SHOX: variants seen among roughly 807,000 people sequenced by gnomAD.
SHOX encodes the protein short stature homeobox protein.
SHOX carries 12 observed loss-of-function variants against 29.6 expected under a neutral mutation model. That is an observed-to-expected ratio of 0.41 (90% CI 0.26 to 0.66). The LOEUF is 0.66. SHOX is among the 30% of genes least tolerant of loss of function. SHOX has a pLI of 0.35. For synonymous variants in SHOX, 214 were observed against 200.6 expected (o/e 1.07, Z -0.57); for missense variants, 499 against 437.7 (o/e 1.14, Z -1.25).
chrX:630,569 C>T (rs1436612892), upstream of SHOX: 1 of 475,776 alleles, frequency 2.1e-6, no homozygotes, highest in Non-Finnish European at 3.8e-6. Context: ...GCTCTCCCTT[C>T]CAAAAATGGG....
At position 644,661 on chromosome X, in the gene SHOX, C is replaced by T. The variant is rs1215175887; in HGVS notation, c.*25C>T. On this transcript the variant is annotated 3_prime_UTR_variant, in exon 5 of 5. Coordinates refer to ENST00000686671, the MANE Select transcript of SHOX (RefSeq NM_000451.4). ...ACCCGCCGCGCAGCCCCCCGCGCGC[C>T]CGGACTCCCGGGCTCCGCGCACCCC... 11 of 1,427,644 alleles carry T rather than the reference C, an allele frequency of 7.7e-6. No individual in the cohort carries two copies. The highest frequency in any genetic ancestry group is 5.9e-5 in the South Asian group (4 of 68,164). 88.4% of individuals were successfully genotyped at this position (1,427,644 alleles called of 1,614,324 possible). A position where few individuals can be genotyped will look rare whatever the true frequency, so the allele number is the denominator to read the frequency against.
chrX:634,522 G>A (rs762601288), intron 1 of SHOX, 96 bp from the exon 2 acceptor site: 5 of 1,348,104 alleles, frequency 3.7e-6, no homozygotes, highest in East Asian at 4.8e-5. Flanking sequence ...ATTGGTTTTC[G>A]AGGGCCCCCT....
At position 651,330 on chromosome X, in the gene SHOX, C is replaced by G. The variant is rs1032848847; in HGVS notation, c.*6694C>G. 1.1e-5 allele frequency: 5 copies of G among 455,362 alleles called. No individual in the cohort carries two copies. The highest frequency in any genetic ancestry group is 8.0e-5 in the African/African-American group (4 of 49,858). The allele number at this position is 455,362 out of a possible 1,614,324, so 28.2% of individuals were successfully genotyped here. On this transcript the variant is annotated 3_prime_UTR_variant, in exon 5 of 5. Transcript: ENST00000686671. ...TGAAAACAAATCACACACCGTTTCC[C>G]AAACCAACAGTCTTCACATTTCTAT...
rs1569491926 is a variant in SHOX at position 625,535 on chromosome X, GTCTCTCTCTTTCTCTCC to G, written c.-433+937_-433+953del. ...TTTCTCTGTCTATCTCTGTATCTCTGTCTCTCTCTTTCTCTCCTCTGTCTCTCTGTATCTCTGTCCAT... is the reference window on the plus strand; with the variant it reads ...TTTCTCTGTCTATCTCTGTATCTCTGTCTGTCTCTCTGTATCTCTGTCCAT... On this transcript the variant is annotated intron_variant, in intron 1 of 5. Coordinates refer to the SHOX transcript ENST00000334060. Among the ~76,000 whole-genome samples, 419 of 151,190 alleles carry G rather than the reference GTCTCTCTCTTTCTCTCC, an allele frequency of 2.8e-3. 7 individuals carry two copies. The highest frequency in any genetic ancestry group is 8.3e-3 in the African/African-American group (343 of 41,100).
intron 1 of SHOX, among the ~76,000 whole-genome samples, chrX:632,190 C>T (rs1483580378): frequency 6.6e-6 from 1 of 151,924 alleles, no homozygotes; most frequent in African/African-American, 2.4e-5. Context: ...GCTTCGCGGG[C>T]GCGTCCTAAG....
At position 650,072 on chromosome X, in the gene SHOX, C is replaced by A. The variant is rs546139011; in HGVS notation, c.*5436C>A. Reference sequence around the variant, plus strand: ...AATTGCCAAGAGTTAGAAAAATGCACCTTCTCTGGTGGCCGTTGGGGTGTT... The same window carrying A: ...AATTGCCAAGAGTTAGAAAAATGCAACTTCTCTGGTGGCCGTTGGGGTGTT... On this transcript the variant is annotated 3_prime_UTR_variant, in exon 5 of 5. Transcript: ENST00000686671. 1 of 453,560 alleles carries A rather than the reference C, an allele frequency of 2.2e-6. No individual in the cohort carries two copies. The highest frequency in any genetic ancestry group is 2.0e-5 in the African/African-American group (1 of 50,024). The allele number at this position is 453,560 out of a possible 1,614,324, so 28.1% of individuals were successfully genotyped here.
At chrX:634,894 C>T in intron 2 of SHOX, 68 bp downstream of exon 2, 2 of 1,483,438 alleles carry the variant, frequency 1.3e-6, no homozygotes, top group East Asian at 5.0e-5. Context: ...GCACAGCACG[C>T]GTACAGCCAC....
At chrX:631,812 G>A (rs1413229920) in intron 1 of SHOX, 1 of 442,548 alleles carries the variant, frequency 2.3e-6, no homozygotes, top group Non-Finnish European at 4.6e-6. Context: ...GATGACAGGC[G>A]TGAGGCACCG....
At chrX:640,691 C>T in intron 2 of SHOX, 130 bp from the exon 3 acceptor site, 2 of 956,190 alleles carry the variant, frequency 2.1e-6, no homozygotes, top group Non-Finnish European at 3.4e-6. Flanking sequence ...TGTCTGGGCG[C>T]CCACCATCAG....
At chrX:634,509 C>G (rs934425630) in intron 1 of SHOX, 109 bp from the exon 2 acceptor site, 220 of 1,198,852 alleles carry the variant, frequency 1.8e-4, no homozygotes, top group Non-Finnish European at 2.6e-4. Context: ...TGCGTCAAAG[C>G]GCATTGGTTT....
chrX:652,126 T>C (rs1405143912), downstream of SHOX, among the ~76,000 whole-genome samples: 1 of 152,016 alleles, frequency 6.6e-6, no homozygotes, highest in African/African-American at 2.4e-5. Flanking sequence ...GGTTTCACCG[T>C]GTTGGTCAGG....
downstream of SHOX, among the ~76,000 whole-genome samples, chrX:652,953 T>C (rs1168652159): frequency 6.6e-6 from 1 of 152,164 alleles, no homozygotes; most frequent in Admixed American, 6.5e-5. Context: ...CTATTCAGCT[T>C]TGGCCGGGCG....
At chrX:652,593 C>T (rs1331190807), downstream of SHOX, among the ~76,000 whole-genome samples, 1 of 152,068 alleles carries the variant, frequency 6.6e-6, no homozygotes, top group African/African-American at 2.4e-5. Flanking sequence ...TCCCCAGTTG[C>T]CTGGAGTCTA....
Position 650,993 on chromosome X carries a change from T to G in SHOX, c.*6357T>G, listed in dbSNP as rs1374686814. Among the ~76,000 whole-genome samples, 1 of 152,030 alleles carries G rather than the reference T, an allele frequency of 6.6e-6. No individual in the cohort carries two copies. The highest frequency in any genetic ancestry group is 6.6e-5 in the Admixed American group (1 of 15,248). On this transcript the variant is annotated 3_prime_UTR_variant, in exon 5 of 5. Coordinates refer to ENST00000686671, the MANE Select transcript of SHOX (RefSeq NM_000451.4). ...GTTTCAAAGCTATGAAATGTGCTATTTATTGAAAGGGGATGTGGCTTCACG... is the reference window on the plus strand; with the variant it reads ...GTTTCAAAGCTATGAAATGTGCTATGTATTGAAAGGGGATGTGGCTTCACG...
intron 2 of SHOX, among the ~76,000 whole-genome samples, chrX:639,541 T>C (rs2052813001): frequency 6.6e-6 from 1 of 152,184 alleles, no homozygotes; most frequent in East Asian, 1.9e-4. Flanking sequence ...AGGTGGAAAC[T>C]TCGGTTCTCC....
intron 2 of SHOX, among the ~76,000 whole-genome samples, chrX:636,917 G>C: frequency 7.1e-6 from 1 of 141,054 alleles, no homozygotes. Context: ...GCGTTTGATG[G>C]AGAGGGTTTT....
At chrX:627,381 GAGAGAACGTAAAAGCTCTGGTC>G (rs1374896705), upstream of SHOX, among the ~76,000 whole-genome samples, 28 of 152,304 alleles carry the variant, frequency 1.8e-4, 1 homozygote, top group East Asian at 5.4e-3. Flanking sequence ...GAAGGGCAGG[GAGAGAACGTAAAAGCTCTGGTC>G]AGAGAAGGGA....
upstream of SHOX, chrX:630,789 G>T (rs1379481464): frequency 1.3e-5 from 17 of 1,327,374 alleles, no homozygotes; most frequent in Non-Finnish European, 1.6e-5. Context: ...CAATGGAAAG[G>T]CGTAAATAAC....
At chrX:630,301 G>GC (rs1160495978), upstream of SHOX, among the ~76,000 whole-genome samples, 2 of 71,304 alleles carry the variant, frequency 2.8e-5, no homozygotes, top group Non-Finnish European at 7.2e-5. Flanking sequence ...TCCCCGGGGC[G>GC]CCCGGATCCC....
Sources: gnomAD v4.1 joint callset for allele counts (sites outside exome capture counted in the v4.1 genomes callset) on GRCh38, gnomAD v4.1.1 for gene constraint, MANE v1.5 for transcripts, NCBI Gene and HGNC (gene_info 2026-07-23, HGNC 2026-07-21) for gene names.